Variants in ICAM2 observed in about 807,000 individuals in gnomAD.
ICAM2 encodes the protein intercellular adhesion molecule 2, also known as ICAM-2.
Under a neutral mutation model 19.1 loss-of-function variants are expected in ICAM2, and 14 were observed. The ratio of observed to expected loss-of-function variants is 0.73; its 90% CI spans 0.48 to 1.15. The LOEUF is 1.15. Ranked by LOEUF, ICAM2 falls within the 50% of genes most tolerant of loss-of-function variation. ICAM2 has a pLI of 0.00. For synonymous variants in ICAM2, 153 were observed against 152.7 expected, an observed-to-expected ratio of 1.00 and a Z score of -0.01; for missense variants, 311 against 355.4, an observed-to-expected ratio of 0.88 and a Z score of 1.00.
chr17:64,012,317 G>C (rs2331409), intron 1 of ICAM2, among the ~76,000 whole-genome samples: 132,404 of 152,020 alleles, frequency 0.87, 60,620 homozygotes, highest in East Asian at 1. Context: ...AAAATTTTAG[G>C]CTGGGCAAGG....
chr17:64,003,560 C>T, intron 4 of ICAM2, 84 bp downstream of exon 4: 8 of 1,298,624 alleles, frequency 6.2e-6, no homozygotes, highest in Non-Finnish European at 8.7e-6. Flanking sequence ...TGTTTGCTTC[C>T]CAAGTGGGAC....
intron 4 of ICAM2, 129 bp from the exon 5 acceptor site, chr17:64,003,054 C>A (rs377288042): frequency 2.8e-6 from 2 of 708,456 alleles, no homozygotes; most frequent in African/African-American, 3.6e-5. Context: ...CCAGCAGTCA[C>A]CCCAGTTGCA....
chr17:64,004,022 C>G lies in ICAM2; in HGVS notation c.329-58G>C, dbSNP rs1378930385. 3 of 1,350,332 alleles carry G rather than the reference C, an allele frequency of 2.2e-6. No homozygotes were observed. The Admixed American group carries it at 6.3e-5, about 29-fold the overall frequency. 83.6% of individuals were successfully genotyped at this position (1,350,332 alleles called of 1,614,324 possible). ...GATGGGGGTGCAGTCCCAGCAGCCT[C>G]CCCCTGGCCAGGGCCATCTCCTGTC... On this transcript the variant is annotated intron_variant, in intron 3 of 4. Coordinates refer to ENST00000579788, the MANE Select transcript of ICAM2 (RefSeq NM_001099789.2).
In ICAM2 at chr17:64,003,737, G is replaced by A. The variant is rs751902761; in HGVS notation, c.556C>T (p.Arg186Cys). Residue 186 changes from arginine (R) to cysteine (C), a missense_variant, in exon 4 of 5, where the codon CGC becomes TGC. By Grantham distance (180) the Arg-to-Cys change is radical. Transcript: ENST00000579788. ...NSTADREDGHRNFSCLAVLDL... is the reference protein window; with the variant it reads ...NSTADREDGHCNFSCLAVLDL... ...AGCACAGCCAGGCAGGAGAAGTTGC[G>A]GTGGCCATCCTCTCTGTCAGCCGTG... 8.1e-6 allele frequency: 13 copies of A among 1,614,036 alleles called. 1 individual carries two copies. Among genetic ancestry groups the A allele is most frequent in the Non-Finnish European group, 2.5e-6 (3 of 1,180,048 alleles).
Position 64,020,205 on chromosome 17 carries a change from T to C in ICAM2, c.-45+318A>G, listed in dbSNP as rs546220331. Among the ~76,000 whole-genome samples, 58 of 151,604 alleles carry C rather than the reference T, an allele frequency of 3.8e-4. 2 individuals carry two copies. The South Asian group carries it at 0.012, about 31-fold the overall frequency. ...CCAGATCACAGCCCACGTGGGCCCCTAAATAAGGAGGCAGCCCCACATTTC... is the reference window on the plus strand; with the variant it reads ...CCAGATCACAGCCCACGTGGGCCCCCAAATAAGGAGGCAGCCCCACATTTC... On this transcript the variant is annotated intron_variant, in intron 1 of 4. Coordinates refer to ENST00000579788, the MANE Select transcript of ICAM2 (RefSeq NM_001099789.2).
intron 1 of ICAM2, among the ~76,000 whole-genome samples, chr17:64,014,334 A>G (rs4968685): frequency 0.092 from 3,298 of 35,936 alleles, 203 homozygotes; most frequent in East Asian, 0.12. Flanking sequence ...AAGGAAGGAA[A>G]GAAAGAAAGA....
rs759286465 is a variant in ICAM2, at chr17:64,002,913, T to A, written c.662A>T (p.Asp221Val). 3.7e-6 allele frequency: 6 copies of A among 1,613,168 alleles called. No homozygotes were observed. The highest frequency in any genetic ancestry group is 1.7e-5 in the Admixed American group (1 of 59,952). The stretch of plus-strand genomic sequence containing the variant: ...CGTGACTATGATGACCATCTGGCTG[T>A]CCGACACAGGCTCTGGGGAGGGAGG... ...KMLEIYEPVS[D>V]SQMVIIVTVV... is the part of the protein sequence containing the mutation. Residue 221 changes from aspartate (D) to valine (V), a missense_variant, in exon 5 of 5, where the codon GAC becomes GTC. Coordinates refer to ENST00000579788, the MANE Select transcript of ICAM2 (RefSeq NM_001099789.2).
At position 64,003,760 on chromosome 17, in the gene ICAM2, G is replaced by A. The variant is rs200838101; in HGVS notation, c.533C>T (p.Thr178Met). 6.4e-5 allele frequency: 103 copies of A among 1,614,250 alleles called. 1 individual carries two copies. In the East Asian group the frequency reaches 1.1e-3, roughly 18 times the overall value. ...GCGGTGGCCATCCTCTCTGTCAGCC[G>A]TGCTGTTGAATGTGGCTGTGGCCTC... ...PQEATATFNS[T>M]ADREDGHRNF... Residue 178 changes from threonine to methionine, a missense_variant, in exon 4 of 5, where the codon ACG becomes ATG. By Grantham distance (81) the Thr-to-Met change is moderately conservative. Transcript: ENST00000579788.
chr17:64,002,938 G>C lies in ICAM2; in HGVS notation c.650-13C>G. On this transcript the variant is annotated splice_polypyrimidine_tract_variant and intron_variant, in intron 4 of 4. Transcript: ENST00000579788. ...TCCGACACAGGCTCTGGGGAGGGAG[G>C]GGGCAAGGGTCTTAGACGTCCTGTG... is the stretch of plus-strand genomic sequence containing the variant. The C allele has an allele frequency of 6.2e-7, 1 of 1,611,792 alleles. No individual in the cohort carries two copies.
intron 1 of ICAM2, among the ~76,000 whole-genome samples, chr17:64,010,957 A>G (rs1024768948): frequency 3.3e-5 from 5 of 152,192 alleles, no homozygotes; most frequent in African/African-American, 9.7e-5. Flanking sequence ...TTTGCAAGCC[A>G]TACATGCAGT....
chr17:64,014,722 GAAGAAAGA>G (rs1161852684), intron 1 of ICAM2, among the ~76,000 whole-genome samples: 27 of 16,068 alleles, frequency 1.7e-3, no homozygotes, highest in African/African-American at 2.1e-3. Flanking sequence ...AGGAAGGAAG[GAAGAAAGA>G]AAGAAAGAAA....
chr17:64,008,680 A>T (rs1911319661), intron 1 of ICAM2, among the ~76,000 whole-genome samples: 1 of 152,180 alleles, frequency 6.6e-6, no homozygotes, highest in Admixed American at 6.5e-5. Flanking sequence ...CAGGCGCAAG[A>T]AGAGGATTGT....
intron 1 of ICAM2, among the ~76,000 whole-genome samples, chr17:64,007,577 A>T (rs536016053): frequency 1.3e-5 from 2 of 151,964 alleles, no homozygotes; most frequent in African/African-American, 4.8e-5. Context: ...TCAGTTTTCA[A>T]CCTAGACTTG....
At chr17:64,006,204 A>G in intron 2 of ICAM2, 1 of 162,022 alleles carries the variant, frequency 6.2e-6, no homozygotes, top group Non-Finnish European at 1.3e-5. Context: ...ACCTGCCTAT[A>G]ATAAAAATAA....
At chr17:64,017,689 T>A (rs1423910545) in intron 1 of ICAM2, among the ~76,000 whole-genome samples, 2 of 152,220 alleles carry the variant, frequency 1.3e-5, no homozygotes, top group Non-Finnish European at 2.9e-5. Flanking sequence ...TAAGACTTTC[T>A]GTAAAATATG....
chr17:64,005,050 C>G (rs1348112891), intron 3 of ICAM2, 57 bp downstream of exon 3: 1 of 1,593,020 alleles, frequency 6.3e-7, no homozygotes, highest in East Asian at 2.2e-5. Flanking sequence ...TGTGTGCATT[C>G]AGTAGACACA....
Position 64,006,729 on chromosome 17 carries a change from G to C in ICAM2, c.-38C>G. The C allele has an allele frequency of 6.2e-7, 1 of 1,604,052 alleles. No homozygotes were observed. Among genetic ancestry groups the C allele is most frequent in the Non-Finnish European group, 8.5e-7 (1 of 1,171,162 alleles). On this transcript the variant is annotated 5_prime_UTR_variant, in exon 2 of 5. Coordinates refer to ENST00000579788, the MANE Select transcript of ICAM2 (RefSeq NM_001099789.2). ...CCACGGGCTCGCAGGGACCAGCCAAGGGCTGCCTGGAGGGAGATGGTGGGC... is the reference window on the plus strand; with the variant it reads ...CCACGGGCTCGCAGGGACCAGCCAACGGCTGCCTGGAGGGAGATGGTGGGC...
intron 1 of ICAM2, among the ~76,000 whole-genome samples, chr17:64,013,901 T>G (rs1187656984): frequency 6.6e-6 from 1 of 152,138 alleles, no homozygotes; most frequent in East Asian, 1.9e-4. Flanking sequence ...CTCTTACTTA[T>G]GAGTAATGAT....
intron 4 of ICAM2, 157 bp downstream of exon 4, chr17:64,003,487 A>C (rs551996141): frequency 5.7e-6 from 4 of 703,176 alleles, no homozygotes; most frequent in South Asian, 3.7e-5. Context: ...GGGGACTTGG[A>C]AAGAACTTCA....
Sources: gnomAD v4.1 joint callset for allele counts (sites outside exome capture counted in the v4.1 genomes callset) on GRCh38, gnomAD v4.1.1 for gene constraint, MANE v1.5 for transcripts, NCBI Gene and HGNC (gene_info 2026-07-23, HGNC 2026-07-21) for gene names.